SPATA6: variants seen among roughly 807,000 people sequenced by gnomAD.
SPATA6 encodes the protein spermatogenesis associated 6.
A neutral mutation model predicts 65.3 loss-of-function variants in SPATA6; 56 were observed. That is an observed-to-expected ratio of 0.86 (90% CI 0.69 to 1.07). The LOEUF is 1.07. SPATA6 is among the 50% of genes least tolerant of loss of function. The pLI, the probability that SPATA6 is intolerant of heterozygous loss-of-function variation, is 0.00. For synonymous variants in SPATA6, 199 were observed against 213.2 expected, an observed-to-expected ratio of 0.93 and a Z score of 0.58; for missense variants, 590 against 594.8, an observed-to-expected ratio of 0.99 and a Z score of 0.08.
At chr1:48,421,451 A>G (rs1252492181) in intron 3 of SPATA6, among the ~76,000 whole-genome samples, 1 of 152,156 alleles carries the variant, frequency 6.6e-6, no homozygotes, top group Non-Finnish European at 1.5e-5. Flanking sequence ...GTTCAAGGAA[A>G]AAGTCAATAA....
intron 3 of SPATA6, among the ~76,000 whole-genome samples, chr1:48,421,738 T>G (rs1653360317): frequency 6.6e-6 from 1 of 151,888 alleles, no homozygotes; most frequent in Non-Finnish European, 1.5e-5. Context: ...GCAAGAAAAA[T>G]ATAATAGTTA....
chr1:48,277,492 C>A, the SPATA6 span, among the ~76,000 whole-genome samples: 1 of 151,872 alleles, frequency 6.6e-6, no homozygotes, highest in South Asian at 2.1e-4. Context: ...TGCGCTTTTC[C>A]GACGGGCTTA....
chr1:48,263,440 A>G, the SPATA6 span, among the ~76,000 whole-genome samples: 4 of 152,042 alleles, frequency 2.6e-5, no homozygotes, highest in Non-Finnish European at 5.9e-5. Flanking sequence ...ATTTATTGTC[A>G]ATACCCACCG....
intron 11 of SPATA6, among the ~76,000 whole-genome samples, chr1:48,348,453 T>A (rs1200521902): frequency 6.6e-6 from 1 of 151,982 alleles, no homozygotes; most frequent in African/African-American, 2.4e-5. Context: ...CAGAGGCTCA[T>A]TTAGATTGGC....
At chr1:48,343,213 T>C (rs1338868318) in intron 11 of SPATA6, among the ~76,000 whole-genome samples, 1 of 152,078 alleles carries the variant, frequency 6.6e-6, no homozygotes, top group African/African-American at 2.4e-5. Context: ...ATAAAAAGAT[T>C]TGCAAGACAT....
intron 7 of SPATA6, among the ~76,000 whole-genome samples, chr1:48,396,756 G>A (rs2147918244): frequency 6.6e-6 from 1 of 151,678 alleles, no homozygotes; most frequent in South Asian, 2.1e-4. Context: ...GGTTGTCAGG[G>A]GTTGGGGGAG....
intron 8 of SPATA6, among the ~76,000 whole-genome samples, chr1:48,392,710 A>G (rs1272278834): frequency 6.6e-6 from 1 of 152,114 alleles, no homozygotes; most frequent in Non-Finnish European, 1.5e-5. Context: ...GTTGGTGAAA[A>G]TGGCATCCTA....
chr1:48,305,712 C>A (rs1645044041), intron 12 of SPATA6, 75 bp downstream of exon 12: 5 of 1,092,136 alleles, frequency 4.6e-6, no homozygotes, highest in African/African-American at 1.6e-5. Flanking sequence ...CTAAATTTCC[C>A]ATAAATTCAG....
At chr1:48,272,665 C>T in the SPATA6 span, among the ~76,000 whole-genome samples, 1 of 152,050 alleles carries the variant, frequency 6.6e-6, no homozygotes, top group Non-Finnish European at 1.5e-5. Flanking sequence ...TACCTCTTTG[C>T]AATTCTTATT....
chr1:48,300,236 A>G (rs1289856727), intron 12 of SPATA6, among the ~76,000 whole-genome samples: 1 of 152,198 alleles, frequency 6.6e-6, no homozygotes, highest in East Asian at 1.9e-4. Flanking sequence ...TAAAATGTTG[A>G]GTTTATTTTC....
At chr1:48,448,420 C>A (rs1165904460) in intron 3 of SPATA6, among the ~76,000 whole-genome samples, 2 of 151,580 alleles carry the variant, frequency 1.3e-5, no homozygotes, top group African/African-American at 4.9e-5. Context: ...AAATTCCACA[C>A]TTAACGTCAT....
chr1:48,286,311 T>C, the SPATA6 span, among the ~76,000 whole-genome samples: 1 of 152,186 alleles, frequency 6.6e-6, no homozygotes, highest in Admixed American at 6.5e-5. Flanking sequence ...TCCATAAACA[T>C]AGGATGTCTA....
At chr1:48,451,808 G>GC (rs1053647601) in intron 2 of SPATA6, among the ~76,000 whole-genome samples, 1 of 152,068 alleles carries the variant, frequency 6.6e-6, no homozygotes, top group African/African-American at 2.4e-5. Flanking sequence ...TCCTCTGCTA[G>GC]CATTCTTCCT....
At chr1:48,315,063 C>T (rs1557547891) in intron 11 of SPATA6, among the ~76,000 whole-genome samples, 1 of 151,984 alleles carries the variant, frequency 6.6e-6, no homozygotes, top group South Asian at 2.1e-4. Flanking sequence ...GCTTACCAAA[C>T]AAAAAAAGCC....
chr1:48,309,861 T>C (rs1645156383), intron 11 of SPATA6, among the ~76,000 whole-genome samples: 1 of 152,212 alleles, frequency 6.6e-6, no homozygotes, highest in Non-Finnish European at 1.5e-5. Flanking sequence ...CTCCCAGTGT[T>C]TGCTGAGCAG....
intron 9 of SPATA6, among the ~76,000 whole-genome samples, chr1:48,364,630 C>T (rs1467482880): frequency 6.6e-6 from 1 of 152,160 alleles, no homozygotes; most frequent in Non-Finnish European, 1.5e-5. Context: ...ATATCCTTTG[C>T]CAACTTTTTG....
intron 3 of SPATA6, among the ~76,000 whole-genome samples, chr1:48,426,922 G>T (rs1653890374): frequency 6.6e-6 from 1 of 151,336 alleles, no homozygotes; most frequent in South Asian, 2.1e-4. Flanking sequence ...AAAAAAGTCA[G>T]TTCAATCTTT....
Position 48,421,659 on chromosome 1 carries a change from C to G in SPATA6, c.239-8508G>C, listed in dbSNP as rs747421269. On this transcript the variant is annotated intron_variant, in intron 3 of 12. Transcript: ENST00000371847. ...GTCACTTTACTATATATCAACCCCACCTTCCCTTAAAAACAGAAAAGAGAA... is the reference window on the plus strand; with the variant it reads ...GTCACTTTACTATATATCAACCCCAGCTTCCCTTAAAAACAGAAAAGAGAA... Among the ~76,000 whole-genome samples, 33 of 151,992 alleles carry G rather than the reference C, an allele frequency of 2.2e-4. 1 individual carries two copies. Among genetic ancestry groups the G allele is most frequent in the Admixed American group, 6.6e-5 (1 of 15,250 alleles).
intron 11 of SPATA6, among the ~76,000 whole-genome samples, chr1:48,327,310 G>C: frequency 6.6e-6 from 1 of 152,060 alleles, no homozygotes. Context: ...CATCTCACAT[G>C]CATCAGAATG....
Sources: allele counts gnomAD v4.1 joint callset (sites outside exome capture counted in the v4.1 genomes callset), GRCh38; gene constraint gnomAD v4.1.1; transcripts MANE v1.5; gene names NCBI Gene and HGNC (gene_info 2026-07-23, HGNC 2026-07-21).